Variants in CCDC146 observed in about 807,000 individuals in gnomAD.
CCDC146 encodes the protein coiled-coil domain-containing protein 146.
CCDC146 carries 92 observed loss-of-function variants against 119.3 expected under a neutral mutation model. The observed-to-expected ratio is 0.77, with a 90% CI of 0.65 to 0.92. The LOEUF (loss-of-function observed/expected upper bound fraction) is 0.92, where lower values mean the gene tolerates loss of function less well. Among genes scored for constraint, CCDC146 ranks in the 40% least tolerant of loss-of-function variants. The probability of loss-of-function intolerance (pLI) is 0.00; values close to 1 mark genes in which losing one functional copy is unlikely to be tolerated. For synonymous variants in CCDC146, 372 were observed against 371.8 expected (o/e 1.00, Z -0.01); for missense variants, 1,000 against 1,103.0 (o/e 0.91, Z 1.32).
chr7:77,263,524 C>T (rs1468368887), intron 9 of CCDC146, among the ~76,000 whole-genome samples: 1 of 152,188 alleles, frequency 6.6e-6, no homozygotes, highest in Non-Finnish European at 1.5e-5. Flanking sequence ...GACTGAAAGA[C>T]CAACCTTAAG....
At chr7:77,181,300 A>G (rs1306870704) in intron 2 of CCDC146, among the ~76,000 whole-genome samples, 2 of 152,158 alleles carry the variant, frequency 1.3e-5, no homozygotes, top group Non-Finnish European at 2.9e-5. Flanking sequence ...GGGCCCATTC[A>G]TAAGGTCTGT....
At chr7:77,169,157 G>A (rs919881668) in intron 2 of CCDC146, among the ~76,000 whole-genome samples, 98 of 151,864 alleles carry the variant, frequency 6.5e-4, no homozygotes, top group African/African-American at 2.2e-3. Context: ...CGGTTATTTT[G>A]TGATTTTCTT....
chr7:77,158,810 G>A (rs1213370939), intron 1 of CCDC146, among the ~76,000 whole-genome samples: 4 of 152,116 alleles, frequency 2.6e-5, no homozygotes, highest in East Asian at 1.9e-4. Flanking sequence ...AAACCACTGC[G>A]CCCAGCCAGA....
chr7:77,131,572 C>T (rs1248694444), intron 1 of CCDC146, among the ~76,000 whole-genome samples: 2 of 151,954 alleles, frequency 1.3e-5, no homozygotes, highest in Non-Finnish European at 2.9e-5. Flanking sequence ...ACAAAGATTA[C>T]CCAGGCATGG....
chr7:77,286,202 C>A (rs1880909), intron 15 of CCDC146, among the ~76,000 whole-genome samples: 145,987 of 152,300 alleles, frequency 0.96, 70,007 homozygotes, highest in East Asian at 1. Context: ...GCAAAGGGGG[C>A]GCAGGCACAT....
Position 77,293,117 on chromosome 7 carries a change from C to A in CCDC146, c.2581C>A (p.Leu861Ile). ...TTCCAGGATAGAAAAAGGTCTGCCACTCAATAAGGAAATTGAGAAAGAATG... is the reference window on the plus strand; with the variant it reads ...TTCCAGGATAGAAAAAGGTCTGCCAATCAATAAGGAAATTGAGAAAGAATG... ...CNSRIEKGLP[L>I]NKEIEKEWLK... The change falls in exon 18 of 19, where the codon CTC (leucine) becomes ATC (isoleucine). Residue 861 changes from leucine (L) to isoleucine (I), a missense_variant. By Grantham distance (5) the Leu-to-Ile change is conservative. Around this residue, in one of 2 missense-constraint regions of CCDC146, gnomAD observed 985 missense variants for 1,045.3 expected, o/e 0.94. Coordinates refer to ENST00000285871, the MANE Select transcript of CCDC146 (RefSeq NM_020879.3). 1 of 1,614,168 alleles carries A rather than the reference C, an allele frequency of 6.2e-7. No individual in the cohort carries two copies. The highest frequency in any genetic ancestry group is 8.5e-7 in the Non-Finnish European group (1 of 1,180,022).
chr7:77,252,132 G>C (rs3114313), intron 4 of CCDC146, among the ~76,000 whole-genome samples: 112,108 of 152,118 alleles, frequency 0.74, 43,039 homozygotes, highest in Non-Finnish European at 0.87. Flanking sequence ...CTAGGGAACA[G>C]AGCGAGACTC....
Position 77,241,742 on chromosome 7 carries a change from G to A in CCDC146, c.291G>A (p.Glu97=), listed in dbSNP as rs1792853927. ...QLLQNAKRFT[E]QIQQQQFHLQ... ...TACAGAATGCCAAACGTTTCACTGA[G>A]CAAATACAACAGCAGCAGTTTCACC... The change falls in exon 4 of 19, where the codon GAG becomes GAA. Residue 97 remains glutamate (E), a synonymous_variant. Transcript: ENST00000285871. The A allele has an allele frequency of 6.2e-7, 1 of 1,614,026 alleles. No homozygotes were observed.
intron 1 of CCDC146, among the ~76,000 whole-genome samples, chr7:77,138,524 T>A (rs1454050087): frequency 6.6e-6 from 1 of 151,742 alleles, no homozygotes; most frequent in African/African-American, 2.4e-5. Flanking sequence ...AAGAAATCAT[T>A]GATAAGCTGA....
chr7:77,245,458 A>G (rs17149448), intron 4 of CCDC146, among the ~76,000 whole-genome samples: 1 of 152,060 alleles, frequency 6.6e-6, no homozygotes, highest in Non-Finnish European at 1.5e-5. Flanking sequence ...TGCGTCTTTC[A>G]TGCAAAATCT....
intron 11 of CCDC146, among the ~76,000 whole-genome samples, chr7:77,278,118 C>T (rs779573123): frequency 3.3e-4 from 50 of 152,342 alleles, no homozygotes; most frequent in Non-Finnish European, 5.6e-4. Flanking sequence ...CAAAACACCA[C>T]AGAGGGTTCA....
At chr7:77,230,791 T>A (rs36045007) in intron 2 of CCDC146, among the ~76,000 whole-genome samples, 16,066 of 152,190 alleles carry the variant, frequency 0.11, 1,114 homozygotes, top group Non-Finnish European at 0.16. Flanking sequence ...TTCTTTAAGT[T>A]TGTTTTCTGT....
intron 2 of CCDC146, among the ~76,000 whole-genome samples, chr7:77,210,140 T>A (rs1457143856): frequency 6.6e-6 from 1 of 152,262 alleles, no homozygotes; most frequent in Non-Finnish European, 1.5e-5. Context: ...AGCCTGCAAA[T>A]TTTCTAAACC....
At chr7:77,223,387 C>T (rs917755544) in intron 2 of CCDC146, among the ~76,000 whole-genome samples, 1 of 152,232 alleles carries the variant, frequency 6.6e-6, no homozygotes, top group African/African-American at 2.4e-5. Context: ...CGCATTTGCT[C>T]TCTTAACTCT....
chr7:77,243,649 TTTTTA>T (rs142520111), intron 4 of CCDC146, among the ~76,000 whole-genome samples: 16,176 of 152,248 alleles, frequency 0.11, 1,116 homozygotes, highest in Non-Finnish European at 0.16. Flanking sequence ...ATACATTTTA[TTTTTA>T]TTTTGGAGTG....
At chr7:77,201,246 A>G (rs1159630376) in intron 2 of CCDC146, among the ~76,000 whole-genome samples, 1 of 152,154 alleles carries the variant, frequency 6.6e-6, no homozygotes, top group Non-Finnish European at 1.5e-5. Flanking sequence ...TAGTCATGCA[A>G]ACTTGGAGCA....
chr7:77,174,895 C>T (rs946642450), intron 2 of CCDC146, among the ~76,000 whole-genome samples: 3 of 152,178 alleles, frequency 2.0e-5, no homozygotes, highest in African/African-American at 7.2e-5. Context: ...TGGGGTTAAT[C>T]TGTCATAGTC....
chr7:77,195,028 A>G (rs768402236), intron 2 of CCDC146: 1 of 152,196 alleles, frequency 6.6e-6, no homozygotes, highest in Non-Finnish European at 1.5e-5. Context: ...TTCAAAATTC[A>G]TGTTTTCTAT....
At chr7:77,216,587 G>T (rs948486629) in intron 2 of CCDC146, among the ~76,000 whole-genome samples, 2 of 152,086 alleles carry the variant, frequency 1.3e-5, no homozygotes, top group African/African-American at 4.8e-5. Context: ...GAAGAATTAT[G>T]CAATTTCTCA....
Sources: allele counts gnomAD v4.1 joint callset (sites outside exome capture counted in the v4.1 genomes callset), GRCh38; gene constraint gnomAD v4.1.1; regional missense constraint gnomAD v4.1.1; transcripts MANE v1.5; gene names NCBI Gene and HGNC (gene_info 2026-07-23, HGNC 2026-07-21).